KCNH8: variants seen among roughly 807,000 people sequenced by gnomAD.
KCNH8 encodes the protein voltage-gated delayed rectifier potassium channel KCNH8.
In KCNH8, 70 loss-of-function variants were observed where a neutral mutation model predicts 103.6. That is an observed-to-expected ratio of 0.68 (90% confidence interval 0.56 to 0.82). The LOEUF is 0.82. KCNH8 is among the 40% of genes least tolerant of loss of function. KCNH8 has a pLI of 0.00. For missense variants in KCNH8, 1,217 were observed against 1,329.9 expected, an observed-to-expected ratio of 0.92 and a Z score of 1.32; for synonymous variants, 498 against 489.4, an observed-to-expected ratio of 1.02 and a Z score of -0.23.
At chr3:19,487,567 C>A (rs2125220805) in intron 11 of KCNH8, among the ~76,000 whole-genome samples, 1 of 152,272 alleles carries the variant, frequency 6.6e-6, no homozygotes, top group Non-Finnish European at 1.5e-5. Flanking sequence ...CCAGGCTTAA[C>A]TTCTGTGAGT....
intron 1 of KCNH8, among the ~76,000 whole-genome samples, chr3:19,195,667 T>C (rs2063593918): frequency 6.6e-6 from 1 of 151,996 alleles, no homozygotes; most frequent in Non-Finnish European, 1.5e-5. Flanking sequence ...CTCCATCTAC[T>C]TGATAATTAC....
chr3:19,395,017 C>T (rs2066493395), intron 6 of KCNH8, 87 bp from the exon 7 acceptor site: 1 of 922,888 alleles, frequency 1.1e-6, no homozygotes, highest in Admixed American at 1.8e-5. Context: ...TACTTCATTT[C>T]CAGAATTTTT....
intron 1 of KCNH8, among the ~76,000 whole-genome samples, chr3:19,182,465 A>T (rs1178839723): frequency 1.3e-5 from 2 of 152,202 alleles, no homozygotes; most frequent in Admixed American, 6.5e-5. Context: ...CGGGAGGCAG[A>T]GCTTGCCGTG....
intron 11 of KCNH8, among the ~76,000 whole-genome samples, chr3:19,492,665 C>A (rs568525436): frequency 6.6e-6 from 1 of 152,126 alleles, no homozygotes; most frequent in Non-Finnish European, 1.5e-5. Flanking sequence ...GCTGTTTGGG[C>A]TCTTTTTTTG....
chr3:19,244,432 TTTGTTG>T (rs891640760), intron 1 of KCNH8, among the ~76,000 whole-genome samples: 26 of 152,200 alleles, frequency 1.7e-4, no homozygotes, highest in African/African-American at 6.0e-4. Flanking sequence ...GTTTTTGTTT[TTTGTTG>T]TTGTTGTTGT....
At chr3:19,355,044 C>T in intron 5 of KCNH8, among the ~76,000 whole-genome samples, 1 of 152,006 alleles carries the variant, frequency 6.6e-6, no homozygotes, top group Non-Finnish European at 1.5e-5. Context: ...AGAAAACAAT[C>T]AAACAACCCC....
At chr3:19,298,356 T>A (rs1268369730) in intron 3 of KCNH8, among the ~76,000 whole-genome samples, 2 of 152,222 alleles carry the variant, frequency 1.3e-5, no homozygotes, top group African/African-American at 4.8e-5. Context: ...GTCATTCTTA[T>A]AACAAGTAGA....
At chr3:19,443,023 C>T (rs996968982) in intron 8 of KCNH8, among the ~76,000 whole-genome samples, 1 of 151,532 alleles carries the variant, frequency 6.6e-6, no homozygotes, top group Non-Finnish European at 1.5e-5. Context: ...TTATTATGTA[C>T]TATAAATTTA....
At chr3:19,441,834 G>GA (rs963245840) in intron 8 of KCNH8, among the ~76,000 whole-genome samples, 1 of 152,168 alleles carries the variant, frequency 6.6e-6, no homozygotes, top group Non-Finnish European at 1.5e-5. Context: ...TGAGAGATGT[G>GA]ATATGAGTGT....
At chr3:19,520,851 A>AAG (rs1451875008) in intron 15 of KCNH8, among the ~76,000 whole-genome samples, 1 of 151,922 alleles carries the variant, frequency 6.6e-6, no homozygotes, top group East Asian at 1.9e-4. Flanking sequence ...TTAAGACATA[A>AAG]AGAAAGTGTT....
At chr3:19,357,964 A>T (rs2065900617) in intron 5 of KCNH8, among the ~76,000 whole-genome samples, 1 of 151,918 alleles carries the variant, frequency 6.6e-6, no homozygotes, top group African/African-American at 2.4e-5. Flanking sequence ...TATACTCCAT[A>T]CCTAAACATG....
intron 7 of KCNH8, among the ~76,000 whole-genome samples, chr3:19,433,976 TTAGTTA>T (rs1228926945): frequency 6.6e-6 from 1 of 152,190 alleles, no homozygotes; most frequent in Non-Finnish European, 1.5e-5. Flanking sequence ...AATTTATAGT[TTAGTTA>T]ATAGTAATGT....
chr3:19,293,424 A>C (rs956965546), intron 3 of KCNH8, among the ~76,000 whole-genome samples: 1 of 152,190 alleles, frequency 6.6e-6, no homozygotes, highest in Non-Finnish European at 1.5e-5. Flanking sequence ...AATCCTTACT[A>C]TTCAAAGTGT....
intron 1 of KCNH8, among the ~76,000 whole-genome samples, chr3:19,200,663 A>G (rs1048627966): frequency 2.0e-5 from 3 of 152,048 alleles, no homozygotes; most frequent in Non-Finnish European, 2.9e-5. Context: ...TTTGTTAAAG[A>G]TTTGATGTCT....
At chr3:19,293,230 C>T (rs1309368380) in intron 3 of KCNH8, among the ~76,000 whole-genome samples, 1 of 152,044 alleles carries the variant, frequency 6.6e-6, no homozygotes, top group Non-Finnish European at 1.5e-5. Flanking sequence ...CATCTGGTCT[C>T]AGAGCTTATA....
intron 5 of KCNH8, among the ~76,000 whole-genome samples, chr3:19,390,153 G>A (rs2066415536): frequency 1.3e-5 from 2 of 152,016 alleles, no homozygotes; most frequent in South Asian, 2.1e-4. Context: ...CTATTGCTAC[G>A]ATTATTTATT....
At chr3:19,350,326 A>C (rs1428299722) in intron 5 of KCNH8, among the ~76,000 whole-genome samples, 1 of 152,006 alleles carries the variant, frequency 6.6e-6, no homozygotes, top group Non-Finnish European at 1.5e-5. Flanking sequence ...TTTAATATTT[A>C]TTAAATTACT....
At chr3:19,248,206 T>C (rs1006919253) in intron 1 of KCNH8, among the ~76,000 whole-genome samples, 2 of 152,166 alleles carry the variant, frequency 1.3e-5, no homozygotes, top group African/African-American at 4.8e-5. Context: ...TACAAATTTG[T>C]TGGCCAGTAG....
chr3:19,300,163 C>T (rs1028221836), intron 3 of KCNH8, among the ~76,000 whole-genome samples: 4 of 151,658 alleles, frequency 2.6e-5, no homozygotes, highest in African/African-American at 7.3e-5. Flanking sequence ...GCAGGAGAAT[C>T]GCTTGAACCT....
Sources: gnomAD v4.1 joint callset for allele counts (sites outside exome capture counted in the v4.1 genomes callset) on GRCh38, gnomAD v4.1.1 for gene constraint, MANE v1.5 for transcripts, NCBI Gene and HGNC (gene_info 2026-07-23, HGNC 2026-07-21) for gene names.